The following KAZN variants were observed in gnomAD, a reference collection of about 807,000 sequenced individuals.
KAZN encodes the protein kazrin.
A neutral mutation model predicts 87.4 loss-of-function variants in KAZN; 40 were observed. That is an observed-to-expected ratio of 0.46 (90% CI 0.36 to 0.60). The LOEUF (loss-of-function observed/expected upper bound fraction) is 0.60. Among genes scored for constraint, KAZN ranks in the 20% least tolerant of loss-of-function variants. The pLI, the probability that KAZN is intolerant of heterozygous loss-of-function variation, is 0.00. For missense variants in KAZN, 898 were observed against 1,073.9 expected (o/e 0.84, Z 2.29); for synonymous variants, 466 against 458.3 (o/e 1.02, Z -0.22).
In KAZN at chr1:14,938,408, G is replaced by A. The variant is rs1660692825; in HGVS notation, c.227-22276G>A. ...AATACAAAAATTAGCCAGGCGTGGT[G>A]GTGGACACCTGTAATCCTAGCTACT... On this transcript the variant is annotated intron_variant, in intron 1 of 14. Coordinates refer to ENST00000376030, the MANE Select transcript of KAZN (RefSeq NM_201628.3). Among the ~76,000 whole-genome samples the A allele has an allele frequency of 2.0e-5, 3 of 152,118 alleles. No individual in the cohort carries two copies. The East Asian group carries it at 5.8e-4, about 29-fold the overall frequency.
intron 1 of KAZN, among the ~76,000 whole-genome samples, chr1:13,950,849 G>A (rs1159640003): frequency 1.3e-5 from 2 of 152,172 alleles, no homozygotes; most frequent in African/African-American, 4.8e-5. Flanking sequence ...GCCTCTTGGG[G>A]CGTTTCAGGG....
At chr1:14,798,595 C>T (rs1258114593) in intron 1 of KAZN, among the ~76,000 whole-genome samples, 56 of 151,612 alleles carry the variant, frequency 3.7e-4, no homozygotes, top group African/African-American at 1.2e-3. Context: ...CCACCACACC[C>T]GGCTAATTTT....
intron 1 of KAZN, among the ~76,000 whole-genome samples, chr1:14,916,081 T>C (rs2101438306): frequency 6.6e-6 from 1 of 152,234 alleles, no homozygotes; most frequent in Non-Finnish European, 1.5e-5. Context: ...AATTAATATT[T>C]AAATTCTTAG....
intron 4 of KAZN, among the ~76,000 whole-genome samples, 190 bp from the exon 5 acceptor site, chr1:15,055,901 A>G (rs1378585076): frequency 2.0e-5 from 3 of 152,228 alleles, no homozygotes; most frequent in East Asian, 1.9e-4. Flanking sequence ...TAATGGGGAG[A>G]ACAACAGTTC....
rs957414124 is a variant in KAZN at position 14,303,880 on chromosome 1, T to G, written c.249+123288T>G. On this transcript the variant is annotated intron_variant, in intron 2 of 16. Transcript: ENST00000636203. The stretch of plus-strand genomic sequence containing the variant: ...GACTCTGGTCTCTTCAATGCAAATA[T>G]AAGCAATAAACTCCTCAAATCCTCA... Among the ~76,000 whole-genome samples the G allele has an allele frequency of 3.3e-5, 5 of 152,350 alleles. No individual in the cohort carries two copies. In the East Asian group the frequency reaches 9.6e-4, roughly 29 times the overall value.
At chr1:14,610,122 A>C (rs1426518307) in intron 1 of KAZN, among the ~76,000 whole-genome samples, 1 of 152,216 alleles carries the variant, frequency 6.6e-6, no homozygotes, top group Non-Finnish European at 1.5e-5. Context: ...AAATGAATAC[A>C]ATTTTTTACA....
chr1:14,776,847 G>T (rs924746511), intron 1 of KAZN, among the ~76,000 whole-genome samples: 3 of 150,640 alleles, frequency 2.0e-5, no homozygotes, highest in Non-Finnish European at 4.4e-5. Context: ...GAGGCAGGAG[G>T]ATCATTTGAG....
chr1:14,810,645 A>G (rs1410309227), intron 1 of KAZN, among the ~76,000 whole-genome samples: 2 of 150,636 alleles, frequency 1.3e-5, no homozygotes, highest in Admixed American at 1.3e-4. Context: ...GTCTAGTACC[A>G]AACTGCTAGC....
intron 2 of KAZN, among the ~76,000 whole-genome samples, chr1:14,345,593 C>T (rs919258885): frequency 6.6e-6 from 1 of 152,170 alleles, no homozygotes; most frequent in Non-Finnish European, 1.5e-5. Flanking sequence ...AATTCCAGCT[C>T]AGTGCACACC....
chr1:14,606,750 A>T (rs944251446), intron 1 of KAZN, among the ~76,000 whole-genome samples: 2 of 152,148 alleles, frequency 1.3e-5, no homozygotes, highest in Non-Finnish European at 2.9e-5. Context: ...TGTGGAGCAG[A>T]TAATTCTGTG....
chr1:14,505,707 C>T (rs2148436159), intron 2 of KAZN, among the ~76,000 whole-genome samples: 1 of 152,328 alleles, frequency 6.6e-6, no homozygotes, highest in East Asian at 1.9e-4. Flanking sequence ...GGCGCGGTGG[C>T]TCACGCCTGT....
chr1:14,125,587 G>A (rs1000131683), intron 1 of KAZN, among the ~76,000 whole-genome samples: 18 of 152,104 alleles, frequency 1.2e-4, no homozygotes, highest in African/African-American at 4.3e-4. Context: ...ACCAGAAGCT[G>A]GGAGGGTCAA....
intron 2 of KAZN, among the ~76,000 whole-genome samples, chr1:14,234,414 G>GA (rs1648191602): frequency 6.6e-6 from 1 of 151,930 alleles, no homozygotes; most frequent in Non-Finnish European, 1.5e-5. Context: ...GGGGATGGGG[G>GA]GCTAGGGGTG....
intron 2 of KAZN, among the ~76,000 whole-genome samples, chr1:14,307,119 C>G (rs369831211): frequency 6.6e-6 from 1 of 152,074 alleles, no homozygotes; most frequent in South Asian, 2.1e-4. Flanking sequence ...GTTGACCCTT[C>G]GTGGTCCCAC....
At chr1:14,930,481 A>T (rs10158634) in intron 1 of KAZN, among the ~76,000 whole-genome samples, 3,681 of 152,170 alleles carry the variant, frequency 0.024, 154 homozygotes, top group African/African-American at 0.085. Flanking sequence ...GGCTGGGAAG[A>T]ATGTGGATTT....
chr1:14,525,957 A>G (rs1417441879), intron 2 of KAZN, among the ~76,000 whole-genome samples: 1 of 152,206 alleles, frequency 6.6e-6, no homozygotes, highest in Non-Finnish European at 1.5e-5. Flanking sequence ...ATTCACAGCA[A>G]AAGAACCCCA....
At chr1:13,961,088 C>T (rs1342363289) in intron 1 of KAZN, among the ~76,000 whole-genome samples, 1 of 152,156 alleles carries the variant, frequency 6.6e-6, no homozygotes, top group Non-Finnish European at 1.5e-5. Context: ...ACATTAGGGG[C>T]TGAGCCCCTT....
chr1:14,134,876 T>C (rs1411607050), intron 1 of KAZN, among the ~76,000 whole-genome samples: 1 of 152,018 alleles, frequency 6.6e-6, no homozygotes, highest in East Asian at 1.9e-4. Flanking sequence ...CATAGTTCTA[T>C]CCATTCTTTA....
intron 5 of KAZN, among the ~76,000 whole-genome samples, chr1:15,058,365 C>T (rs1638488517): frequency 1.3e-5 from 2 of 152,238 alleles, no homozygotes; most frequent in African/African-American, 4.8e-5. Context: ...CTTCAGCCAC[C>T]CATCTTCTGT....
Sources: gnomAD v4.1 joint callset for allele counts (sites outside exome capture counted in the v4.1 genomes callset) on GRCh38, gnomAD v4.1.1 for gene constraint, MANE v1.5 for transcripts, NCBI Gene and HGNC (gene_info 2026-07-23, HGNC 2026-07-21) for gene names.